Variants in HORMAD2 observed in about 807,000 individuals in gnomAD.
HORMAD2 encodes the protein HORMA domain-containing protein 2.
Under a neutral mutation model 38.8 loss-of-function variants are expected in HORMAD2, and 45 were observed. The observed-to-expected ratio is 1.16, with a 90% CI of 0.91 to 1.49. The LOEUF (loss-of-function observed/expected upper bound fraction) is 1.49, where lower values mean the gene tolerates loss of function less well. Among genes scored for constraint, HORMAD2 ranks in the 40% most tolerant of loss-of-function variants. The probability of loss-of-function intolerance (pLI) is 0.00; values close to 1 mark genes in which losing one functional copy is unlikely to be tolerated. For missense variants in HORMAD2, 338 were observed against 367.0 expected, an observed-to-expected ratio of 0.92 and a Z score of 0.65; for synonymous variants, 126 against 122.8, an observed-to-expected ratio of 1.03 and a Z score of -0.17.
chr22:30,203,312 T>C, the HORMAD2 span, among the ~76,000 whole-genome samples: 275 of 151,210 alleles, frequency 1.8e-3, no homozygotes, highest in Middle Eastern at 0.027. Context: ...TGAGAATCGC[T>C]TGAACCCAGG....
At chr22:30,188,193 A>G in the HORMAD2 span, among the ~76,000 whole-genome samples, 10 of 152,342 alleles carry the variant, frequency 6.6e-5, no homozygotes, top group African/African-American at 2.4e-4. Flanking sequence ...GCCAAGTCAC[A>G]TGCCATCCTG....
chr22:30,174,692 T>C (rs113456114), intron 10 of HORMAD2, among the ~76,000 whole-genome samples: 3 of 152,170 alleles, frequency 2.0e-5, no homozygotes, highest in African/African-American at 4.8e-5. Flanking sequence ...CCAGATTTGA[T>C]AGAAGTGAGG....
intron 5 of HORMAD2, among the ~76,000 whole-genome samples, chr22:30,107,628 T>C (rs1383187566): frequency 2.0e-5 from 3 of 151,882 alleles, no homozygotes; most frequent in African/African-American, 7.3e-5. Flanking sequence ...CTGGTGCCTA[T>C]AATCCCTGCT....
chr22:30,174,580 T>G (rs1926317064), intron 10 of HORMAD2, among the ~76,000 whole-genome samples: 1 of 152,178 alleles, frequency 6.6e-6, no homozygotes, highest in Admixed American at 6.5e-5. Flanking sequence ...ACTTTGGATT[T>G]ATTTGAACAA....
intron 10 of HORMAD2, among the ~76,000 whole-genome samples, chr22:30,153,268 T>G (rs934137289): frequency 1.3e-5 from 2 of 152,156 alleles, no homozygotes; most frequent in African/African-American, 4.8e-5. Context: ...GCCTTGAGGC[T>G]CTCCCACAGC....
chr22:30,098,852 G>C lies in HORMAD2; in HGVS notation c.52G>C (p.Glu18Gln), dbSNP rs376899418. The C allele has an allele frequency of 1.2e-6, 2 of 1,606,088 alleles. No homozygotes were observed. The highest frequency in any genetic ancestry group is 2.7e-5 in the African/African-American group (2 of 74,390). The change falls in exon 3 of 11, where the codon GAA becomes CAA. Residue 18 changes from glutamate (E) to glutamine (Q), a missense_variant and splice_region_variant. Physicochemically the swap from Glu to Gln is conservative, Grantham distance 29. Transcript: ENST00000336726. Reference sequence around the variant, plus strand: ...TTTTTCACCTCCGTTGTTTTTCCAGGAAACAGTTTTCCCATCCCAAATCAC... The same window carrying C: ...TTTTTCACCTCCGTTGTTTTTCCAGCAAACAGTTTTCCCATCCCAAATCAC... ...HCITIHKASK[E>Q]TVFPSQITNE... is the part of the protein sequence containing the mutation.
intron 10 of HORMAD2, among the ~76,000 whole-genome samples, chr22:30,128,424 T>G (rs1923031964): frequency 6.6e-6 from 1 of 152,176 alleles, no homozygotes; most frequent in African/African-American, 2.4e-5. Context: ...TCCACTTTAA[T>G]CTTTATATTT....
chr22:30,160,109 G>T (rs958632913), intron 10 of HORMAD2, among the ~76,000 whole-genome samples: 1 of 151,900 alleles, frequency 6.6e-6, no homozygotes, highest in African/African-American at 2.4e-5. Flanking sequence ...GTTAGAGTTT[G>T]TTGTTTACAT....
intron 10 of HORMAD2, among the ~76,000 whole-genome samples, chr22:30,132,418 C>T (rs1466134696): frequency 6.6e-6 from 1 of 151,982 alleles, no homozygotes; most frequent in Non-Finnish European, 1.5e-5. Flanking sequence ...CCTGTCTCTA[C>T]TAAAAATACA....
At position 30,104,453 on chromosome 22, in the gene HORMAD2, C is replaced by A; in HGVS notation, c.294+16C>A. The A allele has an allele frequency of 6.3e-7, 1 of 1,584,854 alleles. No individual in the cohort carries two copies. The highest frequency in any genetic ancestry group is 1.3e-5 in the African/African-American group (1 of 74,196). On this transcript the variant is annotated intron_variant, in intron 5 of 10. Transcript: ENST00000336726. Reference sequence around the variant, plus strand: ...AAAGAGATACGTAAGAATGTTTTTACACTTACACTGGAATCAAAGGCTTGT... The same window carrying A: ...AAAGAGATACGTAAGAATGTTTTTAAACTTACACTGGAATCAAAGGCTTGT...
At chr22:30,130,657 C>T (rs1275379630) in intron 10 of HORMAD2, among the ~76,000 whole-genome samples, 1 of 138,366 alleles carries the variant, frequency 7.2e-6, no homozygotes, top group Non-Finnish European at 1.5e-5. Context: ...GTGACGCGAT[C>T]TCGGCTCACT....
intron 7 of HORMAD2, among the ~76,000 whole-genome samples, 193 bp from the exon 8 acceptor site, chr22:30,118,787 G>A (rs1460109564): frequency 6.6e-6 from 1 of 151,982 alleles, no homozygotes; most frequent in Non-Finnish European, 1.5e-5. Context: ...TTTATTTTTA[G>A]CATGGAGGAG....
At chr22:30,204,762 G>A in the HORMAD2 span, among the ~76,000 whole-genome samples, 1 of 152,204 alleles carries the variant, frequency 6.6e-6, no homozygotes, top group Non-Finnish European at 1.5e-5. Context: ...TTGGGGAAAA[G>A]CAGAGGAAAG....
intron 10 of HORMAD2, among the ~76,000 whole-genome samples, chr22:30,132,562 A>G (rs1923360093): frequency 6.6e-6 from 1 of 151,978 alleles, no homozygotes; most frequent in Non-Finnish European, 1.5e-5. Flanking sequence ...ACAAAACCAA[A>G]AAACCACACA....
At chr22:30,187,890 G>A in the HORMAD2 span, among the ~76,000 whole-genome samples, 1 of 151,944 alleles carries the variant, frequency 6.6e-6, no homozygotes, top group Non-Finnish European at 1.5e-5. Flanking sequence ...GGTAGCAGGG[G>A]CAGTGGGGGT....
At chr22:30,121,596 T>C (rs754008557) in intron 8 of HORMAD2, 36 bp from the exon 9 acceptor site, 2 of 1,517,416 alleles carry the variant, frequency 1.3e-6, no homozygotes, top group East Asian at 4.8e-5. Context: ...GCCACTATTG[T>C]ATATGATCAA....
chr22:30,098,312 A>G (rs958090112), intron 2 of HORMAD2, among the ~76,000 whole-genome samples: 4 of 152,232 alleles, frequency 2.6e-5, no homozygotes, highest in Admixed American at 6.5e-5. Flanking sequence ...TTTAAAGAGT[A>G]GAACAACTGG....
chr22:30,153,737 C>G (rs1172759418), intron 10 of HORMAD2, among the ~76,000 whole-genome samples: 1 of 152,186 alleles, frequency 6.6e-6, no homozygotes, highest in Non-Finnish European at 1.5e-5. Flanking sequence ...GTCACTTTCT[C>G]AGTCTTTCCC....
intron 10 of HORMAD2, among the ~76,000 whole-genome samples, chr22:30,166,286 A>C (rs1925777220): frequency 6.6e-6 from 1 of 152,156 alleles, no homozygotes; most frequent in Non-Finnish European, 1.5e-5. Context: ...TACTTGTATA[A>C]TATTCAAGAT....
Sources: gnomAD v4.1 joint callset for allele counts (sites outside exome capture counted in the v4.1 genomes callset) on GRCh38, gnomAD v4.1.1 for gene constraint, MANE v1.5 for transcripts, NCBI Gene and HGNC (gene_info 2026-07-23, HGNC 2026-07-21) for gene names.